The following CFAP77 variants were observed in gnomAD, a reference collection of about 807,000 sequenced individuals.
CFAP77 encodes the protein cilia and flagella associated protein 77.
In CFAP77, 25 loss-of-function variants were observed where a neutral mutation model predicts 31.1. The ratio of observed to expected loss-of-function variants is 0.80; its 90% CI spans 0.59 to 1.12. The LOEUF (loss-of-function observed/expected upper bound fraction) is 1.12, where lower values mean the gene tolerates loss of function less well. Among genes scored for constraint, CFAP77 ranks in the 50% most tolerant of loss-of-function variants. CFAP77 has a pLI of 0.00. For missense variants in CFAP77, 377 were observed against 397.3 expected (o/e 0.95, Z 0.44); for synonymous variants, 151 against 159.9 (o/e 0.94, Z 0.42).
At chr9:132,508,853 C>T (rs909541576) in intron 3 of CFAP77, among the ~76,000 whole-genome samples, 2 of 152,160 alleles carry the variant, frequency 1.3e-5, no homozygotes, top group Non-Finnish European at 2.9e-5. Flanking sequence ...CAGTCACTTG[C>T]CCAAAGTCTC....
At chr9:132,446,687 G>A (rs1443529566) in intron 1 of CFAP77, among the ~76,000 whole-genome samples, 1 of 144,842 alleles carries the variant, frequency 6.9e-6, no homozygotes, top group Non-Finnish European at 1.5e-5. Context: ...CTTGCAGTGA[G>A]CAGAGATCAC....
chr9:132,445,868 C>CAAAAAAAA (rs559749361), intron 1 of CFAP77, among the ~76,000 whole-genome samples: 1 of 64,438 alleles, frequency 1.6e-5, no homozygotes. Flanking sequence ...GACTCGATCT[C>CAAAAAAAA]AAAAAAAAAA....
chr9:132,510,390 C>T (rs73659073), intron 3 of CFAP77, among the ~76,000 whole-genome samples: 4,068 of 152,326 alleles, frequency 0.027, 117 homozygotes, highest in African/African-American at 0.062. Context: ...GGCCTCTTAT[C>T]GCCTCTACAG....
intron 1 of CFAP77, among the ~76,000 whole-genome samples, chr9:132,443,492 AT>A (rs1252942575): frequency 1.3e-5 from 2 of 152,078 alleles, no homozygotes; most frequent in Non-Finnish European, 2.9e-5. Flanking sequence ...AACTCAGGTG[AT>A]CCGCCTGCCT....
At chr9:132,447,871 C>T (rs1850754328) in intron 1 of CFAP77, among the ~76,000 whole-genome samples, 1 of 152,130 alleles carries the variant, frequency 6.6e-6, no homozygotes, top group Non-Finnish European at 1.5e-5. Flanking sequence ...AAAGGATATC[C>T]ACTGGAGGAA....
At chr9:132,533,600 G>A (rs1157624465) in intron 3 of CFAP77, among the ~76,000 whole-genome samples, 12 of 152,180 alleles carry the variant, frequency 7.9e-5, no homozygotes, top group Admixed American at 7.2e-4. Flanking sequence ...AGTAATTTGA[G>A]GCCAGGTGCA....
chr9:132,557,102 C>T (rs1311474458), intron 5 of CFAP77, among the ~76,000 whole-genome samples: 3 of 152,150 alleles, frequency 2.0e-5, no homozygotes, highest in South Asian at 4.1e-4. Context: ...AGCGATGGCG[C>T]GGCGGTTATC....
chr9:132,444,742 A>G (rs1267265479), intron 1 of CFAP77, among the ~76,000 whole-genome samples: 2 of 152,222 alleles, frequency 1.3e-5, no homozygotes, highest in African/African-American at 2.4e-5. Context: ...TTTAAAAAAA[A>G]TTGTAGTAAA....
At chr9:132,521,409 C>G (rs890529458) in intron 3 of CFAP77, among the ~76,000 whole-genome samples, 2 of 152,198 alleles carry the variant, frequency 1.3e-5, no homozygotes, top group East Asian at 1.9e-4. Context: ...CACTCAGCTT[C>G]TCTACTGAGT....
chr9:132,455,514 A>T lies in CFAP77; in HGVS notation c.196-43181A>T, dbSNP rs1015109998. Reference sequence around the variant, plus strand: ...CAGAGCGAGACTCCTGAAAAAAAAAAACAAAAAAACTTCGAGACCAGCCTG... The same window carrying T: ...CAGAGCGAGACTCCTGAAAAAAAAATACAAAAAAACTTCGAGACCAGCCTG... On this transcript the variant is annotated intron_variant, in intron 1 of 5. Transcript: ENST00000393216. This position sits in a 1 kb window ranked among gnomAD's most constrained non-coding sequence, Gnocchi z 4.1. Among the ~76,000 whole-genome samples, 2 of 151,536 alleles carry T rather than the reference A, an allele frequency of 1.3e-5. No homozygotes were observed. Among genetic ancestry groups the T allele is most frequent in the East Asian group, 3.9e-4 (2 of 5,170 alleles).
At chr9:132,523,088 CTTTT>C (rs767708460) in intron 3 of CFAP77, among the ~76,000 whole-genome samples, 3 of 125,248 alleles carry the variant, frequency 2.4e-5, no homozygotes, top group Admixed American at 8.3e-5. Flanking sequence ...TTTCTTCTTT[CTTTT>C]TTTTTTTTTT....
chr9:132,459,420 G>GGTGTGTGTGTGTGT (rs112825234), intron 1 of CFAP77, among the ~76,000 whole-genome samples: 3 of 143,858 alleles, frequency 2.1e-5, no homozygotes, highest in African/African-American at 5.2e-5. Flanking sequence ...GGATGAATAG[G>GGTGTGTGTGTGTGT]GTGTGTGTGT....
At position 132,424,177 on chromosome 9, in the gene CFAP77, G is replaced by A. The variant is rs1192401288; in HGVS notation, c.195+13711G>A. On this transcript the variant is annotated intron_variant, in intron 1 of 5. Coordinates refer to ENST00000393216, the MANE Select transcript of CFAP77 (RefSeq NM_001282957.2). The surrounding 1 kb of genome is among the most constrained non-coding windows in gnomAD (Gnocchi z 4.1). ...AATCGCAGCACTTTGGGAGGCAGAG[G>A]CAGGCAGATCATGAGGTCAGGAGAT... 1.3e-5 allele frequency among the ~76,000 whole-genome samples: 2 copies of A among 152,190 alleles called. No individual in the cohort carries two copies. The highest frequency in any genetic ancestry group is 4.8e-5 in the African/African-American group (2 of 41,444).
chr9:132,551,605 G>GT (rs1311531145), intron 5 of CFAP77, among the ~76,000 whole-genome samples: 2 of 152,252 alleles, frequency 1.3e-5, no homozygotes, highest in African/African-American at 4.8e-5. Flanking sequence ...CCAAGCCTGG[G>GT]TGCTTTCGTG....
Position 132,471,950 on chromosome 9 carries a change from A to C in CFAP77, c.196-26745A>C, listed in dbSNP as rs527846252. On this transcript the variant is annotated intron_variant, in intron 1 of 5. Coordinates refer to ENST00000393216, the MANE Select transcript of CFAP77 (RefSeq NM_001282957.2). ...AGGCTAGGCCCAAACTCCTGGACTC[A>C]ATCTGCCTGCCTTGGGCTCCCAAAG... is the stretch of plus-strand genomic sequence containing the variant. 2.0e-5 allele frequency among the ~76,000 whole-genome samples: 3 copies of C among 152,260 alleles called. No homozygotes were observed. In the South Asian group the frequency reaches 6.2e-4, roughly 32 times the overall value.
chr9:132,569,092 A>G (rs545247813), intron 5 of CFAP77, among the ~76,000 whole-genome samples: 2 of 152,326 alleles, frequency 1.3e-5, no homozygotes, highest in African/African-American at 4.8e-5. Context: ...CAGGTTTTGC[A>G]GGTTAGGTAG....
chr9:132,429,537 CAAAAA>C (rs762588728), intron 1 of CFAP77, among the ~76,000 whole-genome samples: 18 of 39,460 alleles, frequency 4.6e-4, no homozygotes, highest in Middle Eastern at 0.026. Context: ...GACTTCAACT[CAAAAA>C]AAAAAAAAAA....
At chr9:132,519,572 ATAGATGGATGG>A (rs1852222498) in intron 3 of CFAP77, among the ~76,000 whole-genome samples, 1 of 105,346 alleles carries the variant, frequency 9.5e-6, no homozygotes, top group Admixed American at 9.2e-5. Flanking sequence ...GGATGGATGG[ATAGATGGATGG>A]ATGGATGGAT....
intron 1 of CFAP77, among the ~76,000 whole-genome samples, chr9:132,484,729 T>C (rs915622157): frequency 7.2e-5 from 11 of 152,224 alleles, no homozygotes; most frequent in Non-Finnish European, 1.3e-4. Context: ...TTTCTTTTTT[T>C]TTTTAAATTT....
Sources: allele counts gnomAD v4.1 joint callset (sites outside exome capture counted in the v4.1 genomes callset), GRCh38; gene constraint gnomAD v4.1.1; non-coding constraint Gnocchi (gnomAD v3.1); transcripts MANE v1.5; gene names NCBI Gene and HGNC (gene_info 2026-07-23, HGNC 2026-07-21).